Variants in TAFA4 observed in about 807,000 individuals in gnomAD.
TAFA4 encodes the protein TAFA chemokine like family member 4.
A neutral mutation model predicts 21.1 loss-of-function variants in TAFA4; 20 were observed. The ratio of observed to expected loss-of-function variants is 0.95; its 90% CI spans 0.67 to 1.38. TAFA4 has a LOEUF of 1.38. Among genes scored for constraint, TAFA4 ranks in the 40% most tolerant of loss-of-function variants. The pLI, the probability that TAFA4 is intolerant of heterozygous loss-of-function variation, is 0.00. For synonymous variants in TAFA4, 71 were observed against 67.4 expected, an observed-to-expected ratio of 1.05 and a Z score of -0.26; for missense variants, 211 against 180.9, an observed-to-expected ratio of 1.17 and a Z score of -0.95.
intron 3 of TAFA4, among the ~76,000 whole-genome samples, chr3:68,832,025 C>T (rs569731151): frequency 5.3e-5 from 8 of 152,236 alleles, no homozygotes; most frequent in African/African-American, 1.4e-4. Context: ...GTTTTCACCT[C>T]CATCAGGTCA....
intron 5 of TAFA4, among the ~76,000 whole-genome samples, chr3:68,737,640 C>A (rs1702268892): frequency 6.6e-6 from 1 of 152,026 alleles, no homozygotes; most frequent in South Asian, 2.1e-4. Context: ...TTGTTTTAGA[C>A]TTAATATCTT....
chr3:68,742,208 T>C (rs1012605323), intron 4 of TAFA4, among the ~76,000 whole-genome samples: 2 of 152,176 alleles, frequency 1.3e-5, no homozygotes, highest in Non-Finnish European at 2.9e-5. Flanking sequence ...ACAGAAGGAA[T>C]GTACTTCAAC....
At chr3:68,733,399 G>A (rs1288565616) in intron 5 of TAFA4, among the ~76,000 whole-genome samples, 1 of 152,168 alleles carries the variant, frequency 6.6e-6, no homozygotes, top group Non-Finnish European at 1.5e-5. Flanking sequence ...TATTTGTGAG[G>A]TTATAAAAAT....
At chr3:68,850,964 A>G (rs1704931388) in intron 3 of TAFA4, among the ~76,000 whole-genome samples, 1 of 152,166 alleles carries the variant, frequency 6.6e-6, no homozygotes, top group Non-Finnish European at 1.5e-5. Context: ...GCCCATGCCT[A>G]TGTACTGAAT....
rs150170420 is a variant in TAFA4 at position 68,755,322 on chromosome 3, A to C, written c.131-2304T>G. Among the ~76,000 whole-genome samples the C allele has an allele frequency of 2.4e-3, 360 of 152,366 alleles. 2 individuals are homozygous for C. The highest frequency in any genetic ancestry group is 7.7e-3 in the African/African-American group (322 of 41,578). On this transcript the variant is annotated intron_variant, in intron 3 of 5. Coordinates refer to ENST00000295569, the MANE Select transcript of TAFA4 (RefSeq NM_182522.5). ...TGATTTGAGCTAACTTAATGCAAAG[A>C]AACTTTACTGGAAGATCAGGAGTTT... is the stretch of plus-strand genomic sequence containing the variant.
chr3:68,880,989 A>T, intron 2 of TAFA4, 144 bp from the exon 3 acceptor site: 1 of 634,294 alleles, frequency 1.6e-6, no homozygotes, highest in Admixed American at 2.9e-5. Context: ...AAGACCAATC[A>T]AACCTTATTT....
intron 3 of TAFA4, among the ~76,000 whole-genome samples, chr3:68,806,786 A>G (rs1288668744): frequency 6.6e-6 from 1 of 152,122 alleles, no homozygotes; most frequent in African/African-American, 2.4e-5. Context: ...CTACCATGAG[A>G]AAAAAACAAG....
At chr3:68,833,651 G>C (rs1704453444) in intron 3 of TAFA4, among the ~76,000 whole-genome samples, 1 of 152,104 alleles carries the variant, frequency 6.6e-6, no homozygotes, top group East Asian at 1.9e-4. Flanking sequence ...AGTTAATTTG[G>C]TTGGAAGAAT....
intron 2 of TAFA4, among the ~76,000 whole-genome samples, chr3:68,883,884 G>A (rs1365290534): frequency 6.6e-6 from 1 of 152,006 alleles, no homozygotes; most frequent in African/African-American, 2.4e-5. Flanking sequence ...AGCGAGCTAT[G>A]ATTATACCAC....
chr3:68,847,962 A>AAG (rs1275595418), intron 3 of TAFA4, among the ~76,000 whole-genome samples: 1 of 152,260 alleles, frequency 6.6e-6, no homozygotes, highest in Non-Finnish European at 1.5e-5. Flanking sequence ...ACCTAATGCT[A>AAG]AGAACAGCTC....
chr3:68,797,770 G>A (rs749162993), intron 3 of TAFA4, among the ~76,000 whole-genome samples: 29 of 152,190 alleles, frequency 1.9e-4, no homozygotes, highest in Admixed American at 5.2e-4. Flanking sequence ...AAAGTAGAAC[G>A]GTGGTTGTCA....
intron 3 of TAFA4, among the ~76,000 whole-genome samples, chr3:68,787,703 C>G (rs1703286669): frequency 6.6e-6 from 1 of 152,230 alleles, no homozygotes; most frequent in African/African-American, 2.4e-5. Flanking sequence ...CGCTATGGTA[C>G]AGTCCCTGAC....
chr3:68,837,687 T>G (rs1187606326), intron 3 of TAFA4, among the ~76,000 whole-genome samples: 1 of 152,186 alleles, frequency 6.6e-6, no homozygotes, highest in Non-Finnish European at 1.5e-5. Context: ...AAATATTATT[T>G]TTAAAAAGTA....
At chr3:68,871,287 C>A (rs2089480110) in intron 3 of TAFA4, among the ~76,000 whole-genome samples, 1 of 151,860 alleles carries the variant, frequency 6.6e-6, no homozygotes, top group Admixed American at 6.6e-5. Flanking sequence ...TTTACAATAC[C>A]AACTCATTTT....
At chr3:68,747,384 GT>G (rs71792345) in intron 4 of TAFA4, among the ~76,000 whole-genome samples, 13 of 151,056 alleles carry the variant, frequency 8.6e-5, no homozygotes, top group South Asian at 2.1e-4. Context: ...ATGGGGGTGG[GT>G]TTTTTTTTCC....
At chr3:68,923,497 C>A (rs979516521) in intron 1 of TAFA4, among the ~76,000 whole-genome samples, 2 of 152,136 alleles carry the variant, frequency 1.3e-5, no homozygotes, top group Non-Finnish European at 2.9e-5. Flanking sequence ...ACCTCTCCCC[C>A]ACAACTCCAA....
At chr3:68,833,486 G>A (rs1390151904) in intron 3 of TAFA4, among the ~76,000 whole-genome samples, 1 of 152,064 alleles carries the variant, frequency 6.6e-6, no homozygotes. Context: ...CATGTCTGAG[G>A]AGCTTCAATA....
chr3:68,919,507 T>C (rs930322576), intron 1 of TAFA4, among the ~76,000 whole-genome samples: 3 of 152,180 alleles, frequency 2.0e-5, no homozygotes, highest in African/African-American at 7.2e-5. Context: ...TTTATGATGA[T>C]GCATACCTTG....
At chr3:68,819,304 C>G (rs1392702695) in intron 3 of TAFA4, among the ~76,000 whole-genome samples, 1 of 140,954 alleles carries the variant, frequency 7.1e-6, no homozygotes, top group Admixed American at 7.1e-5. Context: ...AAAAAAGCAT[C>G]TGCAAAGCAC....
Sources: gnomAD v4.1 joint callset for allele counts (sites outside exome capture counted in the v4.1 genomes callset) on GRCh38, gnomAD v4.1.1 for gene constraint, MANE v1.5 for transcripts, NCBI Gene and HGNC (gene_info 2026-07-23, HGNC 2026-07-21) for gene names.